ASIC2: variants seen among roughly 807,000 people sequenced by gnomAD.
ASIC2 encodes the protein acid-sensing ion channel 2.
In ASIC2, 25 loss-of-function variants were observed where a neutral mutation model predicts 57.3. The ratio of observed to expected loss-of-function variants is 0.44; its 90% CI spans 0.32 to 0.61. ASIC2 has a LOEUF of 0.61. Among genes scored for constraint, ASIC2 ranks in the 20% least tolerant of loss-of-function variants. The pLI, the probability that ASIC2 is intolerant of heterozygous loss-of-function variation, is 0.06. For missense variants in ASIC2, 641 were observed against 738.1 expected, an observed-to-expected ratio of 0.87 and a Z score of 1.52; for synonymous variants, 319 against 307.5, an observed-to-expected ratio of 1.04 and a Z score of -0.39.
At chr17:34,038,238 G>A (rs1478795083) in intron 1 of ASIC2, 6 of 1,611,022 alleles carry the variant, frequency 3.7e-6, no homozygotes, top group East Asian at 4.5e-5. Flanking sequence ...ATAATGGACC[G>A]GGCCTCTTTC....
intron 1 of ASIC2, among the ~76,000 whole-genome samples, chr17:33,925,229 AG>A (rs1915799273): frequency 6.6e-6 from 1 of 152,190 alleles, no homozygotes; most frequent in Non-Finnish European, 1.5e-5. Flanking sequence ...TGTAAGAGGG[AG>A]GTGGTCATAT....
intron 1 of ASIC2, among the ~76,000 whole-genome samples, chr17:33,933,528 G>A (rs1436171487): frequency 1.3e-5 from 2 of 152,224 alleles, no homozygotes; most frequent in Non-Finnish European, 2.9e-5. Flanking sequence ...GACAGAGCAG[G>A]AATTGATTTC....
At chr17:33,765,849 C>T (rs528052516) in intron 1 of ASIC2, among the ~76,000 whole-genome samples, 1 of 152,232 alleles carries the variant, frequency 6.6e-6, no homozygotes, top group Admixed American at 6.5e-5. Flanking sequence ...CGTCCCTTCC[C>T]GTGGGCTCCG....
intron 1 of ASIC2, among the ~76,000 whole-genome samples, chr17:33,541,060 G>A (rs1915393489): frequency 6.8e-6 from 1 of 146,806 alleles, no homozygotes; most frequent in South Asian, 2.1e-4. Context: ...TGGGCATGTT[G>A]TTTTTTTTTC....
intron 1 of ASIC2, among the ~76,000 whole-genome samples, chr17:33,306,743 T>C (rs1298779978): frequency 6.6e-6 from 1 of 152,136 alleles, no homozygotes; most frequent in East Asian, 1.9e-4. Context: ...CTCCAATCCA[T>C]TCCCCACTCT....
At chr17:33,957,769 C>T (rs887481861) in intron 1 of ASIC2, among the ~76,000 whole-genome samples, 6 of 152,214 alleles carry the variant, frequency 3.9e-5, no homozygotes, top group African/African-American at 1.2e-4. Context: ...CACGTCCTCA[C>T]ATTTCAAAAC....
At chr17:33,028,121 C>A (rs1470400616) in intron 4 of ASIC2, 121 bp downstream of exon 4, 1 of 1,369,490 alleles carries the variant, frequency 7.3e-7, no homozygotes, top group East Asian at 2.4e-5. Context: ...AGAGTCTTCC[C>A]AGAACATCAT....
intron 1 of ASIC2, among the ~76,000 whole-genome samples, chr17:33,988,115 C>T (rs1305053850): frequency 6.6e-6 from 1 of 152,038 alleles, no homozygotes; most frequent in African/African-American, 2.4e-5. Flanking sequence ...CATAAGAGAC[C>T]TGAGACAGAA....
At chr17:33,771,581 T>C (rs1911113780) in intron 1 of ASIC2, among the ~76,000 whole-genome samples, 1 of 152,208 alleles carries the variant, frequency 6.6e-6, no homozygotes, top group African/African-American at 2.4e-5. Context: ...GACTCTGGTT[T>C]TGCCTGAGGG....
chr17:33,537,466 G>C (rs746959627), intron 1 of ASIC2, among the ~76,000 whole-genome samples: 9 of 152,280 alleles, frequency 5.9e-5, no homozygotes, highest in Non-Finnish European at 1.0e-4. Flanking sequence ...AGTGAAATCT[G>C]CTGCTTCTAC....
chr17:33,155,571 T>TG (rs1050249543), intron 1 of ASIC2, among the ~76,000 whole-genome samples: 7 of 150,336 alleles, frequency 4.7e-5, no homozygotes, highest in Admixed American at 4.6e-4. Context: ...TTTCTTTTTT[T>TG]TTTTTTTGAG....
At chr17:33,597,500 C>T (rs1905016730) in intron 1 of ASIC2, among the ~76,000 whole-genome samples, 1 of 151,974 alleles carries the variant, frequency 6.6e-6, no homozygotes, top group Admixed American at 6.6e-5. Context: ...ATGGGCCTCT[C>T]ACTTCTATAT....
At chr17:33,086,519 A>G (rs770273071) in intron 3 of ASIC2, among the ~76,000 whole-genome samples, 14 of 152,172 alleles carry the variant, frequency 9.2e-5, no homozygotes, top group Non-Finnish European at 2.9e-5. Context: ...ATGTGGGTTT[A>G]CTCATACAAC....
In ASIC2 at chr17:34,124,698, TG is replaced by T. The variant is rs1204945346; in HGVS notation, c.555+31279del. Among the ~76,000 whole-genome samples the T allele has an allele frequency of 2.0e-5, 3 of 152,186 alleles. No homozygotes were observed. The South Asian group carries it at 6.2e-4, about 32-fold the overall frequency. On this transcript the variant is annotated intron_variant, in intron 1 of 9. Transcript: ENST00000359872. ...GATGCCAGCATGGTCAGGCTCTTCT[TG>T]GGGGCCCCCTTCCCAGTTTATACGT... is the stretch of plus-strand genomic sequence containing the variant.
At chr17:33,740,467 T>A (rs1235823354) in intron 1 of ASIC2, among the ~76,000 whole-genome samples, 1 of 152,126 alleles carries the variant, frequency 6.6e-6, no homozygotes, top group Admixed American at 6.5e-5. Flanking sequence ...AACTGTCAGA[T>A]CTCGTGAGAG....
At chr17:33,579,359 T>G (rs1045314433) in intron 1 of ASIC2, among the ~76,000 whole-genome samples, 3 of 151,052 alleles carry the variant, frequency 2.0e-5, no homozygotes, top group African/African-American at 7.3e-5. Flanking sequence ...CGATGTGGCT[T>G]GGTATGTTTA....
intron 1 of ASIC2, among the ~76,000 whole-genome samples, chr17:33,915,128 T>C (rs1894375963): frequency 6.6e-6 from 1 of 152,180 alleles, no homozygotes; most frequent in South Asian, 2.1e-4. Flanking sequence ...AATGGCTCCA[T>C]TTCCTTGAAG....
chr17:33,395,710 GT>G (rs1351766537), intron 1 of ASIC2, among the ~76,000 whole-genome samples: 1 of 152,178 alleles, frequency 6.6e-6, no homozygotes, highest in East Asian at 1.9e-4. Flanking sequence ...TGGGAATTCT[GT>G]CTCTGGCCTT....
At chr17:33,903,807 T>A (rs985809363) in intron 1 of ASIC2, among the ~76,000 whole-genome samples, 1 of 152,198 alleles carries the variant, frequency 6.6e-6, no homozygotes, top group African/African-American at 2.4e-5. Context: ...CTGAGTAGCT[T>A]CCTCTTGCCC....
Sources: allele counts gnomAD v4.1 joint callset (sites outside exome capture counted in the v4.1 genomes callset), GRCh38; gene constraint gnomAD v4.1.1; transcripts MANE v1.5; gene names NCBI Gene and HGNC (gene_info 2026-07-23, HGNC 2026-07-21).